The following DLG2 variants were observed in gnomAD, a reference collection of about 807,000 sequenced individuals.
The protein encoded by DLG2 is disks large homolog 2.
DLG2 carries 45 observed loss-of-function variants against 132.5 expected under a neutral mutation model. The observed-to-expected ratio is 0.34, with a 90% CI of 0.27 to 0.44. The LOEUF is 0.44. DLG2 is among the 20% of genes least tolerant of loss of function. The pLI is 1.00. For missense variants in DLG2, 1,045 were observed against 1,196.9 expected, an observed-to-expected ratio of 0.87 and a Z score of 1.87; for synonymous variants, 424 against 419.6, an observed-to-expected ratio of 1.01 and a Z score of -0.13.
In DLG2 at chr11:84,046,780, T is replaced by TA. The variant is rs1248114129; in HGVS notation, c.919+12534dup. Among the ~76,000 whole-genome samples the TA allele has an allele frequency of 6.6e-5, 10 of 151,744 alleles. No individual in the cohort carries two copies. The East Asian group carries it at 1.7e-3, about 27-fold the overall frequency. ...AGAATTTTCCATGTTTAAAAATGCA[T>TA]AAGCTGGTGTTCTTTACAGATATTA... is the stretch of plus-strand genomic sequence containing the variant. On this transcript the variant is annotated intron_variant, in intron 11 of 27. Transcript: ENST00000376104.
intron 3 of DLG2, among the ~76,000 whole-genome samples, chr11:85,569,070 C>T (rs944083266): frequency 2.6e-5 from 4 of 152,160 alleles, no homozygotes; most frequent in East Asian, 3.8e-4. Flanking sequence ...CTCGCTCTGT[C>T]GCCCAGGCTC....
At chr11:85,472,827 G>A (rs548500194) in intron 3 of DLG2, among the ~76,000 whole-genome samples, 82 of 152,304 alleles carry the variant, frequency 5.4e-4, no homozygotes, top group Non-Finnish European at 9.3e-4. Context: ...GCCCAGAATC[G>A]GGCGAAGGGA....
intron 19 of DLG2, among the ~76,000 whole-genome samples, chr11:83,550,256 G>A (rs902783640): frequency 2.6e-5 from 4 of 152,160 alleles, no homozygotes; most frequent in Non-Finnish European, 5.9e-5. Context: ...TGCAGCTATA[G>A]CTTTTAGAGT....
intron 6 of DLG2, among the ~76,000 whole-genome samples, chr11:84,757,587 C>G (rs577252346): frequency 5.5e-4 from 83 of 152,266 alleles, no homozygotes; most frequent in Admixed American, 1.1e-3. Flanking sequence ...CAAAGAGGCA[C>G]CTCCTCTCCA....
At chr11:83,512,643 T>C (rs1396221018) in intron 21 of DLG2, among the ~76,000 whole-genome samples, 2 of 152,144 alleles carry the variant, frequency 1.3e-5, no homozygotes, top group African/African-American at 4.8e-5. Flanking sequence ...TAACTCGTCA[T>C]TTAACATTAG....
chr11:84,671,861 G>A (rs898279014), intron 6 of DLG2, among the ~76,000 whole-genome samples: 4 of 152,060 alleles, frequency 2.6e-5, no homozygotes, highest in South Asian at 2.1e-4. Flanking sequence ...TTTGTGAAAC[G>A]AGATTTTTTG....
chr11:85,524,534 C>A (rs1292047090), intron 3 of DLG2, among the ~76,000 whole-genome samples: 1 of 152,006 alleles, frequency 6.6e-6, no homozygotes, highest in African/African-American at 2.4e-5. Context: ...GCTTTGTTGA[C>A]CAGGGTGGAA....
At chr11:83,484,063 G>T in intron 22 of DLG2, 66 bp downstream of exon 22, 1 of 1,315,982 alleles carries the variant, frequency 7.6e-7, no homozygotes, top group Non-Finnish European at 1.1e-6. Flanking sequence ...CCTACATCCT[G>T]CGTGTTGCCT....
At chr11:85,071,525 G>GCT (rs557080218) in intron 6 of DLG2, among the ~76,000 whole-genome samples, 95 of 151,946 alleles carry the variant, frequency 6.3e-4, no homozygotes, top group African/African-American at 2.1e-3. Flanking sequence ...AGAACTGGAT[G>GCT]CATCTTGTTC....
chr11:84,209,033 G>T (rs1355228303), intron 8 of DLG2, among the ~76,000 whole-genome samples: 2 of 152,116 alleles, frequency 1.3e-5, no homozygotes, highest in Non-Finnish European at 2.9e-5. Context: ...TGTATACATA[G>T]GATAATATAC....
chr11:85,423,215 G>C (rs370269596), intron 3 of DLG2, among the ~76,000 whole-genome samples: 121 of 152,256 alleles, frequency 7.9e-4, no homozygotes, highest in African/African-American at 2.8e-3. Flanking sequence ...TCACTCTTCT[G>C]GGTCTAGCCA....
At chr11:85,174,838 CT>C (rs1419118445) in intron 4 of DLG2, among the ~76,000 whole-genome samples, 1 of 152,104 alleles carries the variant, frequency 6.6e-6, no homozygotes, top group Non-Finnish European at 1.5e-5. Flanking sequence ...TAATAAACAC[CT>C]CTATGCACAT....
intron 6 of DLG2, among the ~76,000 whole-genome samples, chr11:84,853,431 AT>A (rs2082387405): frequency 6.6e-6 from 1 of 152,128 alleles, no homozygotes; most frequent in Middle Eastern, 3.4e-3. Flanking sequence ...CATCTGGACA[AT>A]TTCTTATTTG....
At chr11:84,189,231 A>T (rs1188511086) in intron 8 of DLG2, among the ~76,000 whole-genome samples, 3 of 152,220 alleles carry the variant, frequency 2.0e-5, no homozygotes, top group Non-Finnish European at 4.4e-5. Context: ...TAAAAAGCTC[A>T]ACATCACTGA....
chr11:85,280,867 T>G (rs1565261518), intron 4 of DLG2, among the ~76,000 whole-genome samples: 1 of 151,774 alleles, frequency 6.6e-6, no homozygotes, highest in East Asian at 1.9e-4. Flanking sequence ...AAAATGTTTT[T>G]AAAAAGGTCA....
At chr11:84,647,682 G>A (rs1034959617) in intron 6 of DLG2, among the ~76,000 whole-genome samples, 1 of 152,170 alleles carries the variant, frequency 6.6e-6, no homozygotes, top group African/African-American at 2.4e-5. Flanking sequence ...GTTCGTAGAT[G>A]ACTTGCAGAT....
intron 2 of DLG2, among the ~76,000 whole-genome samples, chr11:85,619,611 ATC>A (rs1355547672): frequency 1.3e-5 from 2 of 152,152 alleles, no homozygotes; most frequent in Non-Finnish European, 2.9e-5. Context: ...AGGCAGATGA[ATC>A]ACCTGAGGTC....
At chr11:85,621,277 C>T (rs2100157254) in intron 2 of DLG2, among the ~76,000 whole-genome samples, 1 of 152,048 alleles carries the variant, frequency 6.6e-6, no homozygotes, top group Non-Finnish European at 1.5e-5. Flanking sequence ...CACCTAGTCA[C>T]CCAAGAGCTC....
chr11:83,633,438 G>T lies in DLG2; in HGVS notation c.1826-113C>A. 3.9e-6 allele frequency: 3 copies of T among 764,492 alleles called. No homozygotes were observed. In the South Asian group the frequency reaches 4.6e-5, roughly 12 times the overall value. 47.4% of individuals were successfully genotyped at this position (764,492 alleles called of 1,614,324 possible). On this transcript the variant is annotated intron_variant, in intron 18 of 27. Transcript: ENST00000376104. ...TTGTTGGTTCCTTTGCCAAACAATGGGGAGATGTGCAACTCAAGGGTATGC... is the reference window on the plus strand; with the variant it reads ...TTGTTGGTTCCTTTGCCAAACAATGTGGAGATGTGCAACTCAAGGGTATGC...
Sources: gnomAD v4.1 joint callset for allele counts (sites outside exome capture counted in the v4.1 genomes callset) on GRCh38, gnomAD v4.1.1 for gene constraint, MANE v1.5 for transcripts, NCBI Gene and HGNC (gene_info 2026-07-23, HGNC 2026-07-21) for gene names.